CDH9: variants seen among roughly 807,000 people sequenced by gnomAD.
CDH9 encodes the protein cadherin-9.
A neutral mutation model predicts 70.9 loss-of-function variants in CDH9; 28 were observed. The ratio of observed to expected loss-of-function variants is 0.40; its 90% CI spans 0.29 to 0.54. CDH9 has a LOEUF of 0.54. CDH9 is among the 20% of genes least tolerant of loss of function. The pLI, the probability that CDH9 is intolerant of heterozygous loss-of-function variation, is 0.59. For synonymous variants in CDH9, 409 were observed against 343.1 expected (o/e 1.19, Z -2.12); for missense variants, 874 against 984.4 (o/e 0.89, Z 1.50).
intron 2 of CDH9, among the ~76,000 whole-genome samples, chr5:26,972,612 C>T (rs1742238677): frequency 1.3e-5 from 2 of 152,136 alleles, no homozygotes; most frequent in Non-Finnish European, 2.9e-5. Context: ...TACAAGTGGA[C>T]ATACGCAGTT....
chr5:27,009,992 T>C (rs892532957), intron 1 of CDH9, among the ~76,000 whole-genome samples: 3 of 152,186 alleles, frequency 2.0e-5, no homozygotes, highest in Admixed American at 6.6e-5. Flanking sequence ...TAAAAGGATT[T>C]ACTGGGAACT....
Position 26,899,639 on chromosome 5 carries a change from G to T in CDH9, c.1253+2837C>A, listed in dbSNP as rs559397133. On this transcript the variant is annotated intron_variant, in intron 7 of 11. Coordinates refer to ENST00000231021, the MANE Select transcript of CDH9 (RefSeq NM_016279.4). ...CACAGGGAGAACATCACACACTGGG[G>T]CCTGTAGAGGGTAAATGGAGTTGAA... Among the ~76,000 whole-genome samples, 5 of 152,046 alleles carry T rather than the reference G, an allele frequency of 3.3e-5. No individual in the cohort carries two copies. In the East Asian group the frequency reaches 7.8e-4, roughly 24 times the overall value.
In CDH9 at chr5:26,881,166, C is replaced by A. The variant is rs750535278; in HGVS notation, c.2340G>T (p.Met780Ile). 2 of 1,612,350 alleles carry A rather than the reference C, an allele frequency of 1.2e-6. No homozygotes were observed. Among genetic ancestry groups the A allele is most frequent in the South Asian group, 2.2e-5 (2 of 90,892 alleles). The change falls in exon 12 of 12, where the codon ATG (methionine) becomes ATT (isoleucine). Residue 780 changes from methionine to isoleucine, a missense_variant. Coordinates refer to ENST00000231021, the MANE Select transcript of CDH9 (RefSeq NM_016279.4). ...CTCGGTCACTATCATCACCCCCATA[C>A]ATATCGGCAAGTTTTTTGAAACGAG... Reference protein sequence around the residue: ...WGPRFKKLADMYGGDDSDRD With the variant: ...WGPRFKKLADIYGGDDSDRD
At chr5:26,934,663 A>G (rs76797863) in intron 2 of CDH9, among the ~76,000 whole-genome samples, 14,669 of 152,140 alleles carry the variant, frequency 0.096, 884 homozygotes, top group East Asian at 0.19. Flanking sequence ...GAGAACTTAG[A>G]TGAAATGAAC....
intron 2 of CDH9, among the ~76,000 whole-genome samples, chr5:26,963,420 A>C (rs986218879): frequency 1.3e-5 from 2 of 152,178 alleles, no homozygotes; most frequent in Non-Finnish European, 1.5e-5. Context: ...TAAAGGTATC[A>C]AATGCCAATT....
At chr5:27,029,745 G>A (rs1743279260) in intron 1 of CDH9, among the ~76,000 whole-genome samples, 2 of 151,972 alleles carry the variant, frequency 1.3e-5, no homozygotes, top group Non-Finnish European at 1.5e-5. Flanking sequence ...AGAGGAAAGT[G>A]AAGGGCTCAT....
intron 2 of CDH9, among the ~76,000 whole-genome samples, chr5:26,980,515 A>G (rs1165524159): frequency 6.6e-6 from 1 of 151,982 alleles, no homozygotes; most frequent in African/African-American, 2.4e-5. Flanking sequence ...TTTTCCATAA[A>G]CACCACCACT....
chr5:27,023,668 T>G (rs764513638), intron 1 of CDH9, among the ~76,000 whole-genome samples: 3 of 152,080 alleles, frequency 2.0e-5, no homozygotes, highest in Non-Finnish European at 4.4e-5. Flanking sequence ...CTTGCTGTAA[T>G]AATCCGTAAC....
chr5:26,907,878 T>C (rs1194265802), intron 3 of CDH9, among the ~76,000 whole-genome samples: 1 of 152,124 alleles, frequency 6.6e-6, no homozygotes, highest in Non-Finnish European at 1.5e-5. Context: ...ATATTGGCCC[T>C]ACCACCTAAT....
At chr5:26,915,563 G>A (rs1046807519) in intron 3 of CDH9, 67 bp downstream of exon 3, 89 of 912,206 alleles carry the variant, frequency 9.8e-5, no homozygotes, top group Non-Finnish European at 1.8e-5. Context: ...ATAACCACAA[G>A]TCAATAATAA....
intron 1 of CDH9, among the ~76,000 whole-genome samples, chr5:27,037,303 CCTAT>C (rs1327345618): frequency 6.6e-6 from 1 of 151,616 alleles, no homozygotes; most frequent in African/African-American, 2.4e-5. Context: ...TGAAAAAATC[CCTAT>C]TAGGAATCTC....
At chr5:26,933,297 A>G (rs1252599961) in intron 2 of CDH9, among the ~76,000 whole-genome samples, 1 of 151,538 alleles carries the variant, frequency 6.6e-6, no homozygotes, top group African/African-American at 2.4e-5. Flanking sequence ...CATTGCTGAC[A>G]CTTTGATCTT....
chr5:26,900,681 G>C (rs1237601227), intron 7 of CDH9, among the ~76,000 whole-genome samples: 1 of 152,082 alleles, frequency 6.6e-6, no homozygotes, highest in Non-Finnish European at 1.5e-5. Context: ...TTCCAGTAAT[G>C]TGTGATTGCA....
intron 2 of CDH9, among the ~76,000 whole-genome samples, chr5:26,978,504 C>T (rs1330825072): frequency 1.3e-5 from 2 of 151,630 alleles, no homozygotes; most frequent in African/African-American, 2.4e-5. Context: ...TAGTTTCCAA[C>T]TATGGGATGA....
chr5:26,965,574 T>TTAATAATAATAATAATAATAA (rs59563835), intron 2 of CDH9, among the ~76,000 whole-genome samples: 4 of 146,738 alleles, frequency 2.7e-5, no homozygotes, highest in African/African-American at 5.0e-5. Context: ...AGACTCTGTC[T>TTAATAATAATAATAATAATAA]TAATAATAAT....
chr5:27,014,520 A>G (rs1000425803), intron 1 of CDH9, among the ~76,000 whole-genome samples: 36 of 151,952 alleles, frequency 2.4e-4, no homozygotes, highest in Non-Finnish European at 4.9e-4. Flanking sequence ...ATAAAGCAGT[A>G]TAAGTTTGGA....
At chr5:26,936,292 A>T (rs1741557621) in intron 2 of CDH9, among the ~76,000 whole-genome samples, 1 of 152,200 alleles carries the variant, frequency 6.6e-6, no homozygotes, top group Admixed American at 6.5e-5. Context: ...TATAGCAATT[A>T]CCACTTGAGA....
chr5:26,926,930 A>C (rs868628430), intron 2 of CDH9, among the ~76,000 whole-genome samples: 4 of 110,340 alleles, frequency 3.6e-5, no homozygotes, highest in African/African-American at 1.5e-4. Context: ...CCCCCCCGCA[A>C]AAAAAAAAGA....
At chr5:26,889,809 T>C (rs768225326) in intron 9 of CDH9, 27 bp downstream of exon 9, 1 of 1,419,600 alleles carries the variant, frequency 7.0e-7, no homozygotes, top group South Asian at 1.2e-5. Flanking sequence ...AAATATATTC[T>C]TTTAAGTTTT....
Sources: allele counts gnomAD v4.1 joint callset (sites outside exome capture counted in the v4.1 genomes callset), GRCh38; gene constraint gnomAD v4.1.1; transcripts MANE v1.5; gene names NCBI Gene and HGNC (gene_info 2026-07-23, HGNC 2026-07-21).